ARFGEF3: variants seen among roughly 807,000 people sequenced by gnomAD.
ARFGEF3 encodes the protein ARFGEF family member 3.
A neutral mutation model predicts 221.7 loss-of-function variants in ARFGEF3; 96 were observed. That is an observed-to-expected ratio of 0.43 (90% CI 0.37 to 0.51). The LOEUF is 0.51. Among genes scored for constraint, ARFGEF3 ranks in the 20% least tolerant of loss-of-function variants. ARFGEF3 has a pLI of 0.00. For missense variants in ARFGEF3, 2,410 were observed against 2,789.9 expected (o/e 0.86, Z 3.07); for synonymous variants, 1,145 against 1,126.8 (o/e 1.02, Z -0.32).
Position 138,263,161 on chromosome 6 carries a change from C to T in ARFGEF3, c.1678C>T (p.Pro560Ser). The T allele has an allele frequency of 6.2e-7, 1 of 1,613,998 alleles. No homozygotes were observed. Among genetic ancestry groups the T allele is most frequent in the Non-Finnish European group, 8.5e-7 (1 of 1,179,888 alleles). The change falls in exon 12 of 34, where the codon CCA becomes TCA. Residue 560 changes from proline (P) to serine (S), a missense_variant. Physicochemically the swap from Pro to Ser is moderately conservative, Grantham distance 74 (BLOSUM62 -1). Around this residue, in one of 5 missense-constraint regions of ARFGEF3, gnomAD observed 594 missense variants for 734.3 expected, o/e 0.81. Coordinates refer to ENST00000251691, the MANE Select transcript of ARFGEF3 (RefSeq NM_020340.5). ...ATTGGAAACAGAGGCGGTAGACCAG[C>T]CAGATGTCGTGCAGAGAAGCCACAC... ...KVLETEAVDQ[P>S]DVVQRSHTVP... is the part of the protein sequence containing the mutation.
chr6:138,222,256 T>TAA, intron 4 of ARFGEF3, among the ~76,000 whole-genome samples: 1 of 151,760 alleles, frequency 6.6e-6, no homozygotes, highest in African/African-American at 2.4e-5. Flanking sequence ...CTGATGAGCT[T>TAA]AAAAAAAAAT....
At chr6:138,292,354 T>C (rs1779427450) in intron 19 of ARFGEF3, among the ~76,000 whole-genome samples, 2 of 152,180 alleles carry the variant, frequency 1.3e-5, no homozygotes. Flanking sequence ...AATAGGGTCA[T>C]TTTTTAAAAG....
At chr6:138,289,638 G>A (rs1459344601) in intron 17 of ARFGEF3, among the ~76,000 whole-genome samples, 180 bp from the exon 18 acceptor site, 1 of 152,232 alleles carries the variant, frequency 6.6e-6, no homozygotes, top group African/African-American at 2.4e-5. Context: ...CCACCAGCAC[G>A]TGGGACCTGC....
intron 24 of ARFGEF3, among the ~76,000 whole-genome samples, chr6:138,310,566 G>A (rs903428912): frequency 6.6e-6 from 1 of 151,900 alleles, no homozygotes; most frequent in African/African-American, 2.4e-5. Context: ...TTTTTTTTAA[G>A]GAGAAACATG....
Position 138,286,832 on chromosome 6 carries a change from A to G in ARFGEF3, c.2701A>G (p.Lys901Glu), listed in dbSNP as rs1255666747. The part of the protein sequence containing the change: ...LAFILGAEGI[K>E]EQNQKERDAI... ...CTTCATTCTGGGAGCTGAAGGCATC[A>G]AAGAGCAGAACCAGAAGGAGCGGGA... The change falls in exon 16 of 34, where the codon AAA becomes GAA. Residue 901 changes from lysine to glutamate, a missense_variant. Around this residue, in one of 5 missense-constraint regions of ARFGEF3, gnomAD observed 594 missense variants for 734.3 expected, o/e 0.81. Transcript: ENST00000251691. The G allele has an allele frequency of 6.2e-7, 1 of 1,614,048 alleles. No individual in the cohort carries two copies. Among genetic ancestry groups the G allele is most frequent in the South Asian group, 1.1e-5 (1 of 91,090 alleles).
intron 2 of ARFGEF3, among the ~76,000 whole-genome samples, chr6:138,173,776 G>A (rs1226475945): frequency 1.3e-5 from 2 of 152,170 alleles, no homozygotes; most frequent in Non-Finnish European, 2.9e-5. Flanking sequence ...ACCTACAGGA[G>A]CTGTTCACAA....
At position 138,334,456 on chromosome 6, in the gene ARFGEF3, C is replaced by T. The variant is rs572925145; in HGVS notation, c.5610C>T (p.Ser1870=). The part of the protein sequence containing the change: ...EDIFEETAQV[S]PPRGKEKRQW... ...TCTTTGAGGAAACCGCCCAGGTCAG[C>T]CCCCCGAGAGGCAAGGAGAAGAGAC... The change falls in exon 33 of 34, where the codon AGC becomes AGT. Residue 1870 remains serine, a synonymous_variant. Transcript: ENST00000251691. The surrounding 1 kb of genome is among the most constrained non-coding windows in gnomAD (Gnocchi z 5.1). The T allele has an allele frequency of 1.2e-6, 2 of 1,610,832 alleles. No homozygotes were observed. Among genetic ancestry groups the T allele is most frequent in the African/African-American group, 2.7e-5 (2 of 74,926 alleles).
At chr6:138,187,052 A>G (rs1244602976) in intron 2 of ARFGEF3, among the ~76,000 whole-genome samples, 1 of 151,628 alleles carries the variant, frequency 6.6e-6, no homozygotes, top group East Asian at 1.9e-4. Flanking sequence ...AGTAGCTGGG[A>G]TTACAGGCAT....
At chr6:138,329,787 G>A (rs1367968433) in intron 32 of ARFGEF3, among the ~76,000 whole-genome samples, 1 of 152,216 alleles carries the variant, frequency 6.6e-6, no homozygotes, top group Non-Finnish European at 1.5e-5. Context: ...ATGTGGTTAC[G>A]CCTATCCCCC....
intron 2 of ARFGEF3, among the ~76,000 whole-genome samples, chr6:138,200,615 T>A (rs1166134367): frequency 2.6e-5 from 4 of 152,134 alleles, no homozygotes; most frequent in African/African-American, 9.7e-5. Context: ...GATAATTGGC[T>A]AGCCACATGT....
rs114695759 is a variant in ARFGEF3 at position 138,298,245 on chromosome 6, A to C, written c.3649-361A>C. 1.2e-3 allele frequency among the ~76,000 whole-genome samples: 178 copies of C among 152,210 alleles called. 1 individual carries two copies. Among genetic ancestry groups the C allele is most frequent in the African/African-American group, 3.9e-3 (161 of 41,538 alleles). On this transcript the variant is annotated intron_variant, in intron 21 of 33. Transcript: ENST00000251691. ...CAAATGACTCATCTGATCTTCCTAC[A>C]TGTGGGGCACAGCTCAGATGAAACT...
chr6:138,181,467 TCTCA>T (rs1382550259), intron 2 of ARFGEF3, among the ~76,000 whole-genome samples: 2 of 152,096 alleles, frequency 1.3e-5, no homozygotes, highest in African/African-American at 4.8e-5. Flanking sequence ...TGAGACAGAG[TCTCA>T]CTCACTCTGT....
intron 12 of ARFGEF3, among the ~76,000 whole-genome samples, chr6:138,276,833 T>G (rs1779105677): frequency 6.6e-6 from 1 of 152,142 alleles, no homozygotes; most frequent in Non-Finnish European, 1.5e-5. Flanking sequence ...GCCGGGCTAA[T>G]TTTTGTATTT....
chr6:138,268,537 T>C (rs915845973), intron 12 of ARFGEF3, among the ~76,000 whole-genome samples: 1 of 152,184 alleles, frequency 6.6e-6, no homozygotes, highest in Admixed American at 6.5e-5. Flanking sequence ...TTCAAAGCAA[T>C]TAAAGTTTCA....
At chr6:138,266,095 C>T (rs1371427289) in intron 12 of ARFGEF3, among the ~76,000 whole-genome samples, 3 of 152,080 alleles carry the variant, frequency 2.0e-5, no homozygotes, top group African/African-American at 4.8e-5. Context: ...GCACCTTTGT[C>T]CCAGCCACTT....
intron 19 of ARFGEF3, 144 bp downstream of exon 19, chr6:138,292,197 T>TA: frequency 1.3e-6 from 1 of 741,600 alleles, no homozygotes; most frequent in Non-Finnish European, 1.9e-6. Flanking sequence ...TAGTTCTCTC[T>TA]ACCATTACAT....
intron 22 of ARFGEF3, among the ~76,000 whole-genome samples, chr6:138,306,953 T>TAAAAAAAAAAAAAAAAAA (rs71773390): frequency 1.8e-5 from 2 of 113,710 alleles, no homozygotes; most frequent in Admixed American, 9.2e-5. Flanking sequence ...TAAGGAACTC[T>TAAAAAAAAAAAAAAAAAA]AAAAAAAAAA....
intron 4 of ARFGEF3, among the ~76,000 whole-genome samples, chr6:138,212,780 A>G (rs1026943791): frequency 6.6e-6 from 1 of 152,200 alleles, no homozygotes; most frequent in African/African-American, 2.4e-5. Context: ...ACAAGGACAG[A>G]AAACCAAACA....
chr6:138,254,355 G>T (rs374094891), intron 9 of ARFGEF3, among the ~76,000 whole-genome samples: 2 of 151,056 alleles, frequency 1.3e-5, no homozygotes, highest in African/African-American at 4.9e-5. Context: ...AGAGGTGAAG[G>T]TTGCAGCGAG....
Sources: allele counts gnomAD v4.1 joint callset (sites outside exome capture counted in the v4.1 genomes callset), GRCh38; gene constraint gnomAD v4.1.1; regional missense constraint gnomAD v4.1.1; non-coding constraint Gnocchi (gnomAD v3.1); transcripts MANE v1.5; gene names NCBI Gene and HGNC (gene_info 2026-07-23, HGNC 2026-07-21).